AGAP3: variants seen among roughly 807,000 people sequenced by gnomAD.
AGAP3 encodes ArfGAP with GTPase domain, ankyrin repeat and PH domain 3, also known as arf-GAP with GTPase, ANK repeat and PH domain-containing protein 3.
AGAP3 carries 24 observed loss-of-function variants against 96.9 expected under a neutral mutation model. That is an observed-to-expected ratio of 0.25 (90% CI 0.18 to 0.35). The LOEUF (loss-of-function observed/expected upper bound fraction) is 0.35. AGAP3 is among the 10% of genes least tolerant of loss of function. AGAP3 has a pLI of 1.00. For synonymous variants in AGAP3, 563 were observed against 536.1 expected, an observed-to-expected ratio of 1.05 and a Z score of -0.69; for missense variants, 876 against 1,254.2, an observed-to-expected ratio of 0.70 and a Z score of 4.55.
chr7:151,096,269 G>A lies in AGAP3; in HGVS notation c.331+9197G>A, dbSNP rs934157890. ...TGACCATTTCCGGACCCGAGCCTGAGAGCCCAGGTGGCAGAGTGTGGGGTA... is the reference window on the plus strand; with the variant it reads ...TGACCATTTCCGGACCCGAGCCTGAAAGCCCAGGTGGCAGAGTGTGGGGTA... On this transcript the variant is annotated intron_variant, in intron 1 of 17. Transcript: ENST00000397238. The surrounding 1 kb of genome is among the most constrained non-coding windows in gnomAD (Gnocchi z 4.4). 6.6e-6 allele frequency among the ~76,000 whole-genome samples: 1 copy of A among 152,178 alleles called. No homozygotes were observed. The highest frequency in any genetic ancestry group is 1.5e-5 in the Non-Finnish European group (1 of 68,030).
chr7:151,117,510 G>A (rs1799652945), intron 4 of AGAP3, 54 bp downstream of exon 4: 8 of 1,613,434 alleles, frequency 5.0e-6, no homozygotes, highest in East Asian at 2.2e-5. Flanking sequence ...GCCCTTTCTC[G>A]AGCTTGCTGG....
chr7:151,090,241 G>GC (rs1409008777), intron 1 of AGAP3: 4 of 152,464 alleles, frequency 2.6e-5, no homozygotes, highest in Non-Finnish European at 2.9e-5. Flanking sequence ...CCAGATGGGG[G>GC]GGGGGGGCTC....
intron 1 of AGAP3, among the ~76,000 whole-genome samples, chr7:151,109,309 G>C (rs1344814559): frequency 6.6e-6 from 1 of 152,258 alleles, no homozygotes; most frequent in Non-Finnish European, 1.5e-5. Context: ...GCTGCAGTGA[G>C]CTGTGATTGC....
intron 1 of AGAP3, among the ~76,000 whole-genome samples, chr7:151,102,722 C>G (rs1798884210): frequency 6.6e-6 from 1 of 151,798 alleles, no homozygotes; most frequent in African/African-American, 2.4e-5. Flanking sequence ...CTCAGGTGAT[C>G]CTCCCACCTC....
chr7:151,109,732 A>G (rs577292441), intron 1 of AGAP3, among the ~76,000 whole-genome samples: 1 of 152,168 alleles, frequency 6.6e-6, no homozygotes, highest in South Asian at 2.1e-4. Context: ...AGATGGAGGG[A>G]CCAGCCCAGG....
chr7:151,088,662 CTTCCGAGCTT>C (rs1359938530), intron 1 of AGAP3, among the ~76,000 whole-genome samples: 2 of 152,238 alleles, frequency 1.3e-5, no homozygotes, highest in Admixed American at 6.5e-5. Flanking sequence ...GGCACATCTG[CTTCCGAGCTT>C]TTCCCAGAGC....
intron 8 of AGAP3, among the ~76,000 whole-genome samples, chr7:151,122,519 G>GCCGCCTCCTCCTCCTCCTGGT (rs1348662678): frequency 6.6e-6 from 1 of 151,214 alleles, no homozygotes; most frequent in African/African-American, 2.4e-5. Context: ...CGCCGCCGCC[G>GCCGCCTCCTCCTCCTCCTGGT]CCTCCTCCTC....
At chr7:151,131,716 G>A (rs1800410419) in intron 10 of AGAP3, among the ~76,000 whole-genome samples, 2 of 152,182 alleles carry the variant, frequency 1.3e-5, no homozygotes, top group South Asian at 4.1e-4. Flanking sequence ...AAGTTGGGCC[G>A]TCCTTTCCCC....
At position 151,095,212 on chromosome 7, in the gene AGAP3, T is replaced by C. The variant is rs190519121; in HGVS notation, c.331+8140T>C. Among the ~76,000 whole-genome samples the C allele has an allele frequency of 3.1e-3, 473 of 152,346 alleles. 4 individuals are homozygous for C. Among genetic ancestry groups the C allele is most frequent in the African/African-American group, 0.011 (441 of 41,578 alleles). On this transcript the variant is annotated intron_variant, in intron 1 of 17. Coordinates refer to ENST00000397238, the MANE Select transcript of AGAP3 (RefSeq NM_031946.7). ...GGTTTTTCTACAACGTACATTTCTC[T>C]GTTTGCTGCAAGTCAGGCACTGTCT...
At chr7:151,097,858 T>C (rs1798673741) in intron 1 of AGAP3, among the ~76,000 whole-genome samples, 2 of 152,186 alleles carry the variant, frequency 1.3e-5, no homozygotes, top group South Asian at 4.1e-4. Flanking sequence ...ATCAAAAATA[T>C]TCTCATTTCA....
rs1238635585 is a variant in AGAP3, at chr7:151,141,809, G to A, written c.1805-89G>A. 1 of 1,552,502 alleles carries A rather than the reference G, an allele frequency of 6.4e-7. No individual in the cohort carries two copies. Among genetic ancestry groups the A allele is most frequent in the Non-Finnish European group, 8.9e-7 (1 of 1,126,318 alleles). ...CTAGGGGAGGACACTTGCCAGTGGAGCAGGGTAGTGAGTGGAGTTGTGGCG... is the reference window on the plus strand; with the variant it reads ...CTAGGGGAGGACACTTGCCAGTGGAACAGGGTAGTGAGTGGAGTTGTGGCG... On this transcript the variant is annotated intron_variant, in intron 13 of 17. Coordinates refer to ENST00000397238, the MANE Select transcript of AGAP3 (RefSeq NM_031946.7). This position sits in a 1 kb window ranked among gnomAD's most constrained non-coding sequence, Gnocchi z 4.2.
chr7:151,114,730 C>T lies in AGAP3; in HGVS notation c.332-2063C>T, dbSNP rs1373467921. On this transcript the variant is annotated intron_variant, in intron 1 of 17. Coordinates refer to ENST00000397238, the MANE Select transcript of AGAP3 (RefSeq NM_031946.7). The surrounding 1 kb of genome is among the most constrained non-coding windows in gnomAD (Gnocchi z 4.4). ...GCCCCGGCCCGGGCCCAGCCCCGTG[C>T]CCCTCGCCATGGGCCTGGCCCGCGC... 4 of 1,009,792 alleles carry T rather than the reference C, an allele frequency of 4.0e-6. No homozygotes were observed. The East Asian group carries it at 3.0e-4, about 76-fold the overall frequency. The allele number at this position is 1,009,792 out of a possible 1,614,324, so 62.6% of individuals were successfully genotyped here. A position where few individuals can be genotyped will look rare whatever the true frequency, so the allele number is the denominator to read the frequency against.
At chr7:151,087,371 C>T (rs1159298646) in intron 1 of AGAP3, among the ~76,000 whole-genome samples, 1 of 152,092 alleles carries the variant, frequency 6.6e-6, no homozygotes, top group Non-Finnish European at 1.5e-5. Context: ...AAGGTGGGCG[C>T]GGCAGAGGGC....
intron 11 of AGAP3, among the ~76,000 whole-genome samples, chr7:151,135,118 C>A (rs1190268190): frequency 6.6e-6 from 1 of 152,176 alleles, no homozygotes; most frequent in Admixed American, 6.5e-5. Flanking sequence ...TGAAAGGCCT[C>A]CTGTCCCCAG....
chr7:151,097,726 T>C (rs1798666974), intron 1 of AGAP3, among the ~76,000 whole-genome samples: 1 of 151,896 alleles, frequency 6.6e-6, no homozygotes, highest in Admixed American at 6.6e-5. Context: ...ACAGCCGCAG[T>C]GGGGACAGCA....
At chr7:151,120,327 T>C (rs1799818166) in intron 8 of AGAP3, among the ~76,000 whole-genome samples, 182 bp downstream of exon 8, 1 of 152,200 alleles carries the variant, frequency 6.6e-6, no homozygotes, top group South Asian at 2.1e-4. Flanking sequence ...TCTTCCAGAC[T>C]GTTCTCTGCA....
chr7:151,140,160 T>C lies in AGAP3; in HGVS notation c.1804+44T>C. Reference sequence around the variant, plus strand: ...GAAACCGGGCACAGGAGGTGGGCAGTGGGACTTGGGGATAGTACCCTAAAA... The same window carrying C: ...GAAACCGGGCACAGGAGGTGGGCAGCGGGACTTGGGGATAGTACCCTAAAA... On this transcript the variant is annotated intron_variant, in intron 13 of 17. Transcript: ENST00000397238. This position sits in a 1 kb window ranked among gnomAD's most constrained non-coding sequence, Gnocchi z 5.4. 1 of 1,505,222 alleles carries C rather than the reference T, an allele frequency of 6.6e-7. No homozygotes were observed. The highest frequency in any genetic ancestry group is 1.3e-5 in the South Asian group (1 of 75,860). The allele number at this position is 1,505,222 out of a possible 1,614,324, so 93.2% of individuals were successfully genotyped here. A position where few individuals can be genotyped will look rare whatever the true frequency, so the allele number is the denominator to read the frequency against.
chr7:151,142,136 T>C lies in AGAP3; in HGVS notation c.1960-27T>C. On this transcript the variant is annotated intron_variant, in intron 14 of 17. Transcript: ENST00000397238. The surrounding 1 kb of genome is among the most constrained non-coding windows in gnomAD (Gnocchi z 7.5). ...GCCTCATGACTGACCAACCGCCCCT[T>C]GTCTTGTCTCTCCTGCTGTGCGACA... 8 of 1,612,548 alleles carry C rather than the reference T, an allele frequency of 5.0e-6. No homozygotes were observed. The highest frequency in any genetic ancestry group is 6.8e-6 in the Non-Finnish European group (8 of 1,179,078).
intron 1 of AGAP3, among the ~76,000 whole-genome samples, chr7:151,111,274 CGGTGGTTCTGGGACCACACCTGGCTGCT>C (rs1396443099): frequency 2.6e-5 from 4 of 152,304 alleles, no homozygotes; most frequent in African/African-American, 4.8e-5. Context: ...GGGAGGGCCA[CGGTGGTTCTGGGACCACACCTGGCTGCT>C]GGTGGTTCTG....
Sources: gnomAD v4.1 joint callset for allele counts (sites outside exome capture counted in the v4.1 genomes callset) on GRCh38, gnomAD v4.1.1 for gene constraint, Gnocchi (gnomAD v3.1) non-coding constraint, MANE v1.5 for transcripts, NCBI Gene and HGNC (gene_info 2026-07-23, HGNC 2026-07-21) for gene names.